Variants in KCND3 observed in about 807,000 individuals in gnomAD.
The protein encoded by KCND3 is A-type voltage-gated potassium channel KCND3.
KCND3 carries 9 observed loss-of-function variants against 51.1 expected under a neutral mutation model. The observed-to-expected ratio is 0.18, with a 90% CI of 0.11 to 0.31. KCND3 has a LOEUF of 0.31. KCND3 is among the 10% of genes least tolerant of loss of function. The probability of loss-of-function intolerance (pLI) is 1.00; values close to 1 mark genes in which losing one functional copy is unlikely to be tolerated. For missense variants in KCND3, 526 were observed against 903.8 expected, an observed-to-expected ratio of 0.58 and a Z score of 5.36; for synonymous variants, 349 against 368.0, an observed-to-expected ratio of 0.95 and a Z score of 0.59.
chr1:111,852,308 C>T (rs971345413), intron 2 of KCND3, among the ~76,000 whole-genome samples: 1 of 152,216 alleles, frequency 6.6e-6, no homozygotes, highest in African/African-American at 2.4e-5. Context: ...ATTACAAATG[C>T]CTTCAAGGCA....
chr1:111,816,245 C>G (rs1666085294), intron 2 of KCND3, among the ~76,000 whole-genome samples: 1 of 152,214 alleles, frequency 6.6e-6, no homozygotes, highest in South Asian at 2.1e-4. Flanking sequence ...GCCTCTCACT[C>G]CCTAAGGAGG....
chr1:111,914,480 G>A (rs1333257087), intron 2 of KCND3, among the ~76,000 whole-genome samples: 1 of 152,030 alleles, frequency 6.6e-6, no homozygotes, highest in African/African-American at 2.4e-5. Flanking sequence ...CCATACCAAG[G>A]CACATTATAA....
rs1664304627 is a variant in KCND3 at position 111,780,071 on chromosome 1, G to A, written c.1461+154C>T. ...TGGTGACCTTGCCCCACTCCTCAGGGTCTTCCACCTGAGGGCCAGTAGATC... is the reference window on the plus strand; with the variant it reads ...TGGTGACCTTGCCCCACTCCTCAGGATCTTCCACCTGAGGGCCAGTAGATC... On this transcript the variant is annotated intron_variant, in intron 5 of 7. Transcript: ENST00000302127. This position sits in a 1 kb window ranked among gnomAD's most constrained non-coding sequence, Gnocchi z 4.2. Among the ~76,000 whole-genome samples the A allele has an allele frequency of 6.6e-6, 1 of 152,196 alleles. No homozygotes were observed. Among genetic ancestry groups the A allele is most frequent in the Non-Finnish European group, 1.5e-5 (1 of 68,022 alleles).
intron 2 of KCND3, among the ~76,000 whole-genome samples, chr1:111,924,139 A>G (rs1671594945): frequency 6.6e-6 from 1 of 151,862 alleles, no homozygotes; most frequent in South Asian, 2.1e-4. Context: ...ATTCATATCC[A>G]CTCCACATTC....
chr1:111,950,071 T>C (rs919042975), intron 2 of KCND3, among the ~76,000 whole-genome samples: 8 of 152,120 alleles, frequency 5.3e-5, no homozygotes, highest in Non-Finnish European at 1.2e-4. Flanking sequence ...CCACCATACC[T>C]GGCTCATTTT....
chr1:111,858,107 G>A (rs951850593), intron 2 of KCND3, among the ~76,000 whole-genome samples: 1 of 152,148 alleles, frequency 6.6e-6, no homozygotes, highest in Non-Finnish European at 1.5e-5. Flanking sequence ...TCAAACATGT[G>A]GCTGCCCAAG....
chr1:111,928,147 T>C (rs576858354), intron 2 of KCND3, among the ~76,000 whole-genome samples: 82 of 152,344 alleles, frequency 5.4e-4, no homozygotes, highest in African/African-American at 1.9e-3. Context: ...AGAATATAAG[T>C]TCCATGAGGG....
intron 2 of KCND3, among the ~76,000 whole-genome samples, chr1:111,848,374 G>C (rs951247829): frequency 1.3e-5 from 2 of 152,192 alleles, no homozygotes; most frequent in African/African-American, 4.8e-5. Flanking sequence ...CTGCATTCGA[G>C]AAAGTCCAAT....
At chr1:111,970,628 T>C (rs895508214) in intron 2 of KCND3, among the ~76,000 whole-genome samples, 1 of 152,230 alleles carries the variant, frequency 6.6e-6, no homozygotes, top group Admixed American at 6.5e-5. Flanking sequence ...GCATTTCTCT[T>C]ACTGGACTAA....
intron 2 of KCND3, among the ~76,000 whole-genome samples, chr1:111,827,501 G>A (rs570544216): frequency 2.0e-5 from 3 of 152,330 alleles, no homozygotes; most frequent in East Asian, 3.9e-4. Flanking sequence ...CGCAAGTTAA[G>A]CACTGGAATT....
intron 2 of KCND3, among the ~76,000 whole-genome samples, chr1:111,813,242 G>A (rs1665937259): frequency 6.6e-6 from 1 of 152,176 alleles, no homozygotes; most frequent in East Asian, 1.9e-4. Flanking sequence ...ACCCTAGCAA[G>A]GATCAGAAGC....
intron 2 of KCND3, among the ~76,000 whole-genome samples, chr1:111,802,373 C>T (rs949414756): frequency 1.3e-4 from 20 of 152,218 alleles, no homozygotes; most frequent in African/African-American, 3.9e-4. Flanking sequence ...TGCCTGCCCC[C>T]GCTCTGGCAG....
At chr1:111,839,098 G>T (rs931935375) in intron 2 of KCND3, among the ~76,000 whole-genome samples, 24 of 152,224 alleles carry the variant, frequency 1.6e-4, no homozygotes, top group Non-Finnish European at 2.9e-4. Flanking sequence ...GAGTTTCATC[G>T]GTTTGACATC....
At chr1:111,854,943 C>CA (rs1465414499) in intron 2 of KCND3, among the ~76,000 whole-genome samples, 20 of 152,300 alleles carry the variant, frequency 1.3e-4, no homozygotes, top group Non-Finnish European at 2.8e-4. Flanking sequence ...GAATCTCACT[C>CA]ACATTTCCTG....
chr1:111,800,140 G>A (rs976712287), intron 2 of KCND3, among the ~76,000 whole-genome samples: 2 of 144,376 alleles, frequency 1.4e-5, no homozygotes, highest in African/African-American at 5.2e-5. Flanking sequence ...TCGGATGGTT[G>A]CCGTGTCTGT....
chr1:111,794,105 C>T (rs1664957790), intron 2 of KCND3, among the ~76,000 whole-genome samples: 2 of 152,224 alleles, frequency 1.3e-5, no homozygotes, highest in Admixed American at 1.3e-4. Context: ...TGGTTGCTCT[C>T]TCTCTCCCAG....
At chr1:111,818,625 A>G (rs887727287) in intron 2 of KCND3, among the ~76,000 whole-genome samples, 9 of 152,150 alleles carry the variant, frequency 5.9e-5, no homozygotes, top group African/African-American at 1.9e-4. Flanking sequence ...AACTGTTGAC[A>G]TTTTCCAAAC....
At chr1:111,787,620 A>G (rs1460496488) in intron 2 of KCND3, among the ~76,000 whole-genome samples, 1 of 152,208 alleles carries the variant, frequency 6.6e-6, no homozygotes, top group Non-Finnish European at 1.5e-5. Flanking sequence ...TAAGGCAGGC[A>G]GGGGCCAGAT....
At chr1:111,931,907 G>A (rs990061673) in intron 2 of KCND3, among the ~76,000 whole-genome samples, 6 of 152,182 alleles carry the variant, frequency 3.9e-5, no homozygotes, top group Non-Finnish European at 7.3e-5. Flanking sequence ...CCCCTGCTCC[G>A]AGACTGTATT....
Sources: allele counts gnomAD v4.1 joint callset (sites outside exome capture counted in the v4.1 genomes callset), GRCh38; gene constraint gnomAD v4.1.1; non-coding constraint Gnocchi (gnomAD v3.1); transcripts MANE v1.5; gene names NCBI Gene and HGNC (gene_info 2026-07-23, HGNC 2026-07-21).